SAMMSON: variants seen among roughly 807,000 people sequenced by gnomAD.
SAMMSON encodes survival associated mitochondrial melanoma specific oncogenic non-coding RNA, also known as long intergenic non-protein coding RNA 1212.
chr3:70,045,033 A>G lies in SAMMSON; in HGVS notation n.418-26443A>G, dbSNP rs1273762692. 2.4e-5 allele frequency among the ~76,000 whole-genome samples: 3 copies of G among 123,634 alleles called. No individual in the cohort carries two copies. The East Asian group carries it at 6.4e-4, about 27-fold the overall frequency. The allele number at this position is 123,634 out of a possible 152,430, so 81.1% of individuals were successfully genotyped here. A position where few individuals can be genotyped will look rare whatever the true frequency, so the allele number is the denominator to read the frequency against. On this transcript the variant is annotated intron_variant and non_coding_transcript_variant, in intron 3 of 9. Transcript: ENST00000642114. Reference sequence around the variant, plus strand: ...ATATATATAATTAATTATAATATATATTATAATTAATATATATAATTAATT... The same window carrying G: ...ATATATATAATTAATTATAATATATGTTATAATTAATATATATAATTAATT...
intron 4 of SAMMSON, among the ~76,000 whole-genome samples, chr3:70,149,762 T>C (rs996285791): frequency 6.6e-6 from 1 of 152,096 alleles, no homozygotes; most frequent in African/African-American, 2.4e-5. Context: ...TGGACCACTA[T>C]TGGCTTAATT....
At chr3:70,360,350 C>T (rs989905781) in intron 9 of SAMMSON, among the ~76,000 whole-genome samples, 1 of 152,072 alleles carries the variant, frequency 6.6e-6, no homozygotes, top group Non-Finnish European at 1.5e-5. Context: ...AGGACGGGAC[C>T]TTCTTAGAAA....
chr3:70,203,268 T>C (rs1296561860), intron 4 of SAMMSON, among the ~76,000 whole-genome samples: 1 of 152,110 alleles, frequency 6.6e-6, no homozygotes, highest in Non-Finnish European at 1.5e-5. Flanking sequence ...CATAATGAGA[T>C]TCATGACACA....
At chr3:70,377,970 T>C (rs1054487196) in intron 9 of SAMMSON, among the ~76,000 whole-genome samples, 1 of 152,016 alleles carries the variant, frequency 6.6e-6, no homozygotes, top group South Asian at 2.1e-4. Flanking sequence ...TGAAGGAGAA[T>C]ACGCTCATAC....
chr3:70,023,202 A>C (rs924711209), intron 3 of SAMMSON, among the ~76,000 whole-genome samples: 1 of 152,042 alleles, frequency 6.6e-6, no homozygotes. Context: ...CACGTCTGTA[A>C]TCCCAGCACT....
At chr3:70,003,891 A>G (rs2107574222) in intron 1 of SAMMSON, among the ~76,000 whole-genome samples, 1 of 152,132 alleles carries the variant, frequency 6.6e-6, no homozygotes, top group South Asian at 2.1e-4. Context: ...TAATTTTTTT[A>G]ATTTGCCAGT....
At chr3:70,364,775 C>T (rs1238750712) in intron 9 of SAMMSON, among the ~76,000 whole-genome samples, 8 of 151,790 alleles carry the variant, frequency 5.3e-5, no homozygotes, top group Admixed American at 2.6e-4. Flanking sequence ...CTACATTCTA[C>T]ACCTTTTATG....
intron 4 of SAMMSON, among the ~76,000 whole-genome samples, chr3:70,108,063 G>A (rs1210344995): frequency 6.6e-6 from 1 of 152,052 alleles, no homozygotes; most frequent in Admixed American, 6.5e-5. Context: ...TCAGTCACAG[G>A]TACCATTTTG....
rs1286574707 is a variant in SAMMSON, at chr3:70,019,506, AGC to A, written n.417+5837_417+5838del. Among the ~76,000 whole-genome samples, 3 of 152,250 alleles carry A rather than the reference AGC, an allele frequency of 2.0e-5. No homozygotes were observed. In the East Asian group the frequency reaches 5.8e-4, roughly 29 times the overall value. On this transcript the variant is annotated intron_variant and non_coding_transcript_variant, in intron 3 of 9. Coordinates refer to ENST00000642114, the Ensembl canonical transcript of SAMMSON. ...CACTTGAGATGGGTCTCCTGAATAC[AGC>A]GCACTGATGGGTCTTGACTCTTTAT...
intron 4 of SAMMSON, among the ~76,000 whole-genome samples, chr3:70,181,834 C>T (rs1701055344): frequency 1.3e-5 from 2 of 152,148 alleles, no homozygotes; most frequent in South Asian, 4.1e-4. Flanking sequence ...TTCTTCCACA[C>T]ATATTTTTGC....
intron 6 of SAMMSON, among the ~76,000 whole-genome samples, chr3:70,275,027 C>T (rs766670568): frequency 1.3e-5 from 2 of 152,150 alleles, no homozygotes; most frequent in Non-Finnish European, 2.9e-5. Context: ...AAGGAAACTA[C>T]AGAAACTCAA....
downstream of SAMMSON, among the ~76,000 whole-genome samples, chr3:70,393,953 G>C (rs2106758790): frequency 6.6e-6 from 1 of 152,318 alleles, no homozygotes; most frequent in African/African-American, 2.4e-5. Flanking sequence ...CAGCTATGTA[G>C]AGAATGGATG....
At chr3:70,411,145 A>C (rs1701215452) in intron 2 of SAMMSON, among the ~76,000 whole-genome samples, 1 of 152,216 alleles carries the variant, frequency 6.6e-6, no homozygotes, top group Non-Finnish European at 1.5e-5. Context: ...AAGGAGATCT[A>C]AAAGTAGCAC....
chr3:70,006,291 T>A (rs2066926083), intron 1 of SAMMSON, among the ~76,000 whole-genome samples: 1 of 152,186 alleles, frequency 6.6e-6, no homozygotes, highest in South Asian at 2.1e-4. Context: ...TTGTGGAGTG[T>A]TTCAGACTCT....
At chr3:70,262,070 A>AC (rs1478837050) in intron 6 of SAMMSON, among the ~76,000 whole-genome samples, 1 of 152,190 alleles carries the variant, frequency 6.6e-6, no homozygotes, top group African/African-American at 2.4e-5. Flanking sequence ...GGTCAATCTC[A>AC]CGATAAAGCC....
intron 4 of SAMMSON, among the ~76,000 whole-genome samples, chr3:70,170,654 G>C (rs1303072913): frequency 1.1e-4 from 15 of 139,290 alleles, no homozygotes; most frequent in African/African-American, 4.0e-4. Flanking sequence ...TGGCTAAACA[G>C]AGGTGAAAAA....
chr3:70,026,362 T>G (rs895689710), intron 3 of SAMMSON, among the ~76,000 whole-genome samples: 3 of 152,204 alleles, frequency 2.0e-5, no homozygotes, highest in Non-Finnish European at 4.4e-5. Context: ...TTTTTTTCCA[T>G]TCCTTCCTTC....
At chr3:70,088,315 G>A (rs1245538016) in intron 4 of SAMMSON, among the ~76,000 whole-genome samples, 2 of 152,196 alleles carry the variant, frequency 1.3e-5, no homozygotes, top group South Asian at 2.1e-4. Context: ...CCCAACCATG[G>A]AGCAGGGACT....
At chr3:70,182,014 T>A (rs1057337820) in intron 4 of SAMMSON, among the ~76,000 whole-genome samples, 1 of 152,034 alleles carries the variant, frequency 6.6e-6, no homozygotes, top group Non-Finnish European at 1.5e-5. Context: ...GGGTTTAGAA[T>A]CCTGTGAGAC....
Sources: allele counts gnomAD v4.1 joint callset (sites outside exome capture counted in the v4.1 genomes callset), GRCh38; gene constraint gnomAD v4.1.1; transcripts MANE v1.5; gene names NCBI Gene and HGNC (gene_info 2026-07-23, HGNC 2026-07-21).